RALGAPA1: variants seen among roughly 807,000 people sequenced by gnomAD.
The protein encoded by RALGAPA1 is Ral GTPase activating protein catalytic subunit alpha 1, also known as ral GTPase-activating protein subunit alpha-1.
A neutral mutation model predicts 269.6 loss-of-function variants in RALGAPA1; 52 were observed. The observed-to-expected ratio is 0.19, with a 90% CI of 0.15 to 0.24. The LOEUF (loss-of-function observed/expected upper bound fraction) is 0.24, where lower values mean the gene tolerates loss of function less well. Ranked by LOEUF, RALGAPA1 falls within the 10% of genes least tolerant of loss-of-function variation. The pLI, the probability that RALGAPA1 is intolerant of heterozygous loss-of-function variation, is 1.00. For missense variants in RALGAPA1, 1,917 were observed against 3,013.9 expected (o/e 0.64, Z 8.52); for synonymous variants, 817 against 1,008.3 (o/e 0.81, Z 3.60).
chr14:35,753,469 A>G lies in RALGAPA1; in HGVS notation c.664-1307T>C, dbSNP rs140342738. 5.3e-3 allele frequency among the ~76,000 whole-genome samples: 800 copies of G among 152,324 alleles called. 1 individual carries two copies. The highest frequency in any genetic ancestry group is 0.018 in the African/African-American group (732 of 41,576). On this transcript the variant is annotated intron_variant, in intron 7 of 41. Coordinates refer to ENST00000680220, the MANE Select transcript of RALGAPA1 (RefSeq NM_001346249.2). ...CTCATCGGCTGATGAAGAGATAAAC[A>G]AAATACTGTATATGTATACAATATA... is the stretch of plus-strand genomic sequence containing the variant.
chr14:35,629,458 C>G (rs1279808722), intron 33 of RALGAPA1, among the ~76,000 whole-genome samples: 2 of 152,092 alleles, frequency 1.3e-5, no homozygotes, highest in Non-Finnish European at 2.9e-5. Flanking sequence ...CAGGGCCTGT[C>G]AGAACAACTA....
At chr14:35,650,631 A>G (rs2062764141) in intron 31 of RALGAPA1, among the ~76,000 whole-genome samples, 1 of 152,214 alleles carries the variant, frequency 6.6e-6, no homozygotes, top group Non-Finnish European at 1.5e-5. Context: ...GCCACACAAG[A>G]AAATAACTGG....
intron 12 of RALGAPA1, among the ~76,000 whole-genome samples, chr14:35,729,500 G>T (rs953135103): frequency 2.0e-5 from 3 of 152,162 alleles, no homozygotes; most frequent in African/African-American, 7.2e-5. Context: ...GATCTGAGGG[G>T]CCCAGTAAGC....
At chr14:35,592,937 T>C (rs2058723514) in intron 37 of RALGAPA1, among the ~76,000 whole-genome samples, 2 of 152,152 alleles carry the variant, frequency 1.3e-5, no homozygotes, top group South Asian at 4.1e-4. Context: ...TATTAACATC[T>C]GATACAGGGA....
chr14:35,727,552 CAATT>C (rs1316449804), intron 13 of RALGAPA1, among the ~76,000 whole-genome samples: 2 of 151,556 alleles, frequency 1.3e-5, no homozygotes, highest in African/African-American at 4.8e-5. Context: ...TTTTTCCAAT[CAATT>C]AGACAACTAT....
intron 38 of RALGAPA1, among the ~76,000 whole-genome samples, chr14:35,571,101 T>A (rs2057153064): frequency 6.6e-6 from 1 of 152,184 alleles, no homozygotes; most frequent in South Asian, 2.1e-4. Flanking sequence ...AAATATATAC[T>A]TATAGGCAAG....
At chr14:35,599,083 A>T (rs920930439) in intron 36 of RALGAPA1, among the ~76,000 whole-genome samples, 6 of 152,236 alleles carry the variant, frequency 3.9e-5, no homozygotes, top group Non-Finnish European at 7.3e-5. Flanking sequence ...GTTTAAGTAA[A>T]GTAACCCTAC....
intron 16 of RALGAPA1, among the ~76,000 whole-genome samples, chr14:35,709,609 AT>A (rs921503152): frequency 6.6e-6 from 1 of 150,600 alleles, no homozygotes; most frequent in Non-Finnish European, 1.5e-5. Context: ...CTTACTTTGG[AT>A]TTTTTTTCTC....
At chr14:35,739,248 T>G (rs2071331056) in intron 11 of RALGAPA1, among the ~76,000 whole-genome samples, 1 of 152,236 alleles carries the variant, frequency 6.6e-6, no homozygotes, top group African/African-American at 2.4e-5. Context: ...CCCTCCATTT[T>G]CTTCCTTCTT....
intron 36 of RALGAPA1, among the ~76,000 whole-genome samples, chr14:35,597,137 T>C (rs1168976042): frequency 6.6e-6 from 1 of 152,188 alleles, no homozygotes; most frequent in Non-Finnish European, 1.5e-5. Context: ...TGAACTCATA[T>C]CATGCTCCAT....
At chr14:35,766,812 C>T in intron 4 of RALGAPA1, 2 of 490,332 alleles carry the variant, frequency 4.1e-6, no homozygotes, top group South Asian at 1.6e-5. Context: ...AAGGCAGTAC[C>T]ATACCTGGAA....
chr14:35,733,194 C>T (rs989862064), intron 12 of RALGAPA1, among the ~76,000 whole-genome samples: 2 of 151,998 alleles, frequency 1.3e-5, no homozygotes, highest in African/African-American at 4.8e-5. Context: ...AAAAATTCTT[C>T]TGGCTGGGCA....
chr14:35,772,611 C>A (rs1446222532), intron 3 of RALGAPA1, among the ~76,000 whole-genome samples: 1 of 152,044 alleles, frequency 6.6e-6, no homozygotes, highest in African/African-American at 2.4e-5. Context: ...TTTAGAACTC[C>A]ATTAAATGAA....
Position 35,775,697 on chromosome 14 carries a change from G to A in RALGAPA1, c.155C>T (p.Ser52Leu). 1.3e-6 allele frequency: 2 copies of A among 1,570,496 alleles called. No individual in the cohort carries two copies. The highest frequency in any genetic ancestry group is 2.4e-5 in the East Asian group (1 of 42,070). ...TTCAAAGAACACATAGTATATATGT[G>A]AAAAATGTTGGTCGAAAAACTGTTT... is the stretch of plus-strand genomic sequence containing the variant. The part of the protein sequence containing the change: ...DLKQFFDQHF[S>L]HIYYVFFENF... Residue 52 changes from serine to leucine, a missense_variant, in exon 2 of 42, where the codon TCA becomes TTA. Ser to Leu is a moderately radical substitution (Grantham distance 145). Coordinates refer to ENST00000680220, the MANE Select transcript of RALGAPA1 (RefSeq NM_001346249.2).
At chr14:35,652,248 G>A (rs1257130208) in intron 30 of RALGAPA1, among the ~76,000 whole-genome samples, 1 of 151,888 alleles carries the variant, frequency 6.6e-6, no homozygotes, top group African/African-American at 2.4e-5. Flanking sequence ...TGGGCACGGT[G>A]GCTCAAACCC....
In RALGAPA1 at chr14:35,605,566, G is replaced by C; in HGVS notation, c.7053+20C>G. On this transcript the variant is annotated intron_variant, in intron 36 of 41. Coordinates refer to ENST00000680220, the MANE Select transcript of RALGAPA1 (RefSeq NM_001346249.2). ...TTATGCTTCCAAATATAAATATTTC[G>C]TATAATTTAAAAATAATACCTCCCA... is the stretch of plus-strand genomic sequence containing the variant. 6.4e-7 allele frequency: 1 copy of C among 1,558,230 alleles called. No homozygotes were observed. Among genetic ancestry groups the C allele is most frequent in the Non-Finnish European group, 8.6e-7 (1 of 1,159,648 alleles).
intron 11 of RALGAPA1, among the ~76,000 whole-genome samples, chr14:35,741,558 T>A (rs1272166557): frequency 2.6e-5 from 4 of 152,184 alleles, no homozygotes; most frequent in Admixed American, 6.5e-5. Flanking sequence ...TAAATTCCAC[T>A]GATGAGGTTA....
intron 10 of RALGAPA1, among the ~76,000 whole-genome samples, chr14:35,744,003 T>A (rs185535719): frequency 6.6e-6 from 1 of 152,316 alleles, no homozygotes; most frequent in Non-Finnish European, 1.5e-5. Context: ...CTTAATCTCA[T>A]CACCCAAAGT....
At chr14:35,665,001 A>T (rs906213256) in intron 26 of RALGAPA1, among the ~76,000 whole-genome samples, 3 of 152,220 alleles carry the variant, frequency 2.0e-5, no homozygotes, top group African/African-American at 7.2e-5. Context: ...AATCAGCCAC[A>T]GTTAATAAGA....
Sources: gnomAD v4.1 joint callset for allele counts (sites outside exome capture counted in the v4.1 genomes callset) on GRCh38, gnomAD v4.1.1 for gene constraint, MANE v1.5 for transcripts, NCBI Gene and HGNC (gene_info 2026-07-23, HGNC 2026-07-21) for gene names.